Variants in SH3D21 observed in about 807,000 individuals in gnomAD.
SH3D21 encodes the protein SH3 domain-containing protein 21.
In SH3D21, 83 loss-of-function variants were observed where a neutral mutation model predicts 82.1. That is an observed-to-expected ratio of 1.01 (90% confidence interval 0.85 to 1.21). SH3D21 has a LOEUF of 1.21. Ranked by LOEUF, SH3D21 falls within the 50% of genes most tolerant of loss-of-function variation. SH3D21 has a pLI of 0.00. For synonymous variants in SH3D21, 383 were observed against 387.8 expected (o/e 0.99, Z 0.15); for missense variants, 980 against 962.1 (o/e 1.02, Z -0.25).
downstream of SH3D21, chr1:36,322,125 C>T (rs1646473326): frequency 4.4e-6 from 6 of 1,350,966 alleles, no homozygotes; most frequent in Non-Finnish European, 3.8e-6. Flanking sequence ...CCTCCCCGCC[C>T]CCGGGGTCTT....
Position 36,320,739 on chromosome 1 carries a change from G to A in SH3D21, c.2076G>A (p.Ser692=), listed in dbSNP as rs1266822100. The change falls in exon 14 of 16, where the codon TCG becomes TCA. Residue 692 remains serine (S), a synonymous_variant. Transcript: ENST00000453908. Reference sequence around the variant, plus strand: ...AGAATGAAGGAGTTGATGTAACGTCGCTGAGGGGCGAGGTGGAGTCTCTAA... The same window carrying A: ...AGAATGAAGGAGTTGATGTAACGTCACTGAGGGGCGAGGTGGAGTCTCTAA... ...ENKNEGVDVT[S]LRGEVESLRR... The A allele has an allele frequency of 1.1e-5, 18 of 1,608,436 alleles. No individual in the cohort carries two copies. The highest frequency in any genetic ancestry group is 1.5e-5 in the Non-Finnish European group (18 of 1,177,274).
intron 10 of SH3D21, 93 bp from the exon 11 acceptor site, chr1:36,318,978 A>C: frequency 1.5e-6 from 1 of 685,574 alleles, no homozygotes; most frequent in Admixed American, 2.4e-5. Flanking sequence ...ATAGTCAAAC[A>C]AGATTAACCT....
Position 36,307,181 on chromosome 1 carries a change from C to T in SH3D21, c.241C>T (p.His81Tyr). 6.4e-7 allele frequency: 1 copy of T among 1,551,742 alleles called. No homozygotes were observed. Among genetic ancestry groups the T allele is most frequent in the Non-Finnish European group, 8.7e-7 (1 of 1,146,988 alleles). ...TCCGGTGCTAGGTCATCCTGCCAAA[C>T]ACCCGAGGCCCCAAAGATGGTGCAA... ...CARRRGHPAK[H>Y]PRPQRWCKVN... Residue 81 changes from histidine to tyrosine, a missense_variant, in exon 4 of 16, where the codon CAC becomes TAC. Transcript: ENST00000453908. The surrounding 1 kb of genome is among the most constrained non-coding windows in gnomAD (Gnocchi z 5.4).
rs1340903220 is a variant in SH3D21 at position 36,320,441 on chromosome 1, C to T, written c.1778C>T (p.Pro593Leu). Residue 593 changes from proline (P) to leucine (L), a missense_variant, in exon 14 of 16, where the codon CCT becomes CTT. By Grantham distance (98) the Pro-to-Leu change is moderately conservative. Coordinates refer to ENST00000453908, the MANE Select transcript of SH3D21 (RefSeq NM_001162530.2). ...GCTACAACCCTTCCAGAGGAGGCAC[C>T]TTCCAATGACGAGAGGACCCCTGAA... is the stretch of plus-strand genomic sequence containing the variant. ...EEATTLPEEA[P>L]SNDERTPEEE... 1 of 1,612,908 alleles carries T rather than the reference C, an allele frequency of 6.2e-7. No individual in the cohort carries two copies. Among genetic ancestry groups the T allele is most frequent in the Non-Finnish European group, 8.5e-7 (1 of 1,179,626 alleles).
At chr1:36,323,047 G>C (rs763549976), downstream of SH3D21, 36 of 1,600,268 alleles carry the variant, frequency 2.2e-5, no homozygotes, top group East Asian at 1.8e-4. Context: ...TGCTGCTCTG[G>C]GGGGCAGCTC....
In SH3D21 at chr1:36,319,814, C is replaced by T. The variant is rs764629344; in HGVS notation, c.1151C>T (p.Pro384Leu). Residue 384 changes from proline to leucine, a missense_variant, in exon 14 of 16, where the codon CCC (proline) becomes CTC (leucine). Pro to Leu is a moderately conservative substitution (Grantham distance 98, BLOSUM62 -3). Coordinates refer to ENST00000453908, the MANE Select transcript of SH3D21 (RefSeq NM_001162530.2). ...AAGATCCCGGCTCCTGACAAAGTCC[C>T]CTCCCCAGAGAAGACCCTCACTCTA... ...SKKIPAPDKV[P>L]SPEKTLTLGD... 1.9e-6 allele frequency: 3 copies of T among 1,613,828 alleles called. No individual in the cohort carries two copies. The African/African-American group carries it at 4.0e-5, about 22-fold the overall frequency.
Position 36,320,425 on chromosome 1 carries a change from C to G in SH3D21, c.1762C>G (p.Leu588Val). 6.2e-7 allele frequency: 1 copy of G among 1,612,768 alleles called. No individual in the cohort carries two copies. Among genetic ancestry groups the G allele is most frequent in the Non-Finnish European group, 8.5e-7 (1 of 1,179,520 alleles). ...KPHPHEEATT[L>V]PEEAPSNDER... is the part of the protein sequence containing the mutation. ...CCACCCCCACGAAGAGGCTACAACC[C>G]TTCCAGAGGAGGCACCTTCCAATGA... The change falls in exon 14 of 16, where the codon CTT (leucine) becomes GTT (valine). Residue 588 changes from leucine (L) to valine (V), a missense_variant. Physicochemically the swap from Leu to Val is conservative, Grantham distance 32 (BLOSUM62 1). Coordinates refer to ENST00000453908, the MANE Select transcript of SH3D21 (RefSeq NM_001162530.2).
chr1:36,321,821 C>T, downstream of SH3D21: 1 of 1,012,026 alleles, frequency 9.9e-7, no homozygotes, highest in Non-Finnish European at 1.2e-6. This position sits in a 1 kb window ranked among gnomAD's most constrained non-coding sequence, Gnocchi z 6.1. Context: ...CGCGCTTGCT[C>T]TGTGTGTGAG....
At chr1:36,308,860 G>A (rs1646183377) in intron 9 of SH3D21, among the ~76,000 whole-genome samples, 1 of 151,796 alleles carries the variant, frequency 6.6e-6, no homozygotes, top group Admixed American at 6.6e-5. Flanking sequence ...GCATGCATGT[G>A]TAATCCCAGC....
chr1:36,320,161 G>A lies in SH3D21; in HGVS notation c.1498G>A (p.Asp500Asn). Residue 500 changes from aspartate (D) to asparagine (N), a missense_variant, in exon 14 of 16, where the codon GAC (aspartate) becomes AAC (asparagine). By Grantham distance (23) the Asp-to-Asn change is conservative. Transcript: ENST00000453908. ...TGAAGAAGAGGTGTCCACCAGAGAT[G>A]ACATTCAATTCCATCACTTCTCTTC... ...LSEEEVSTRD[D>N]IQFHHFSSEE... The A allele has an allele frequency of 6.2e-7, 1 of 1,613,780 alleles. No individual in the cohort carries two copies. The highest frequency in any genetic ancestry group is 2.2e-5 in the East Asian group (1 of 44,878).
In SH3D21 at chr1:36,309,577, A is replaced by T. The variant is rs903952373; in HGVS notation, c.756A>T (p.Val252=). The part of the protein sequence containing the change: ...PIKKLVPRKV[V]SRESAPIKEP... Reference sequence around the variant, plus strand: ...AGAAGCTGGTCCCACGGAAAGTGGTATCTCGGGAATCAGGTGAGTGCCCGG... The same window carrying T: ...AGAAGCTGGTCCCACGGAAAGTGGTTTCTCGGGAATCAGGTGAGTGCCCGG... The change falls in exon 10 of 16, where the codon GTA becomes GTT. Residue 252 remains valine (V), a synonymous_variant. Transcript: ENST00000453908. The T allele has an allele frequency of 6.4e-6, 10 of 1,551,536 alleles. No individual in the cohort carries two copies. The highest frequency in any genetic ancestry group is 8.7e-6 in the Non-Finnish European group (10 of 1,146,966).
At chr1:36,324,598 G>A (rs1646522092), downstream of SH3D21, 1 of 152,204 alleles carries the variant, frequency 6.6e-6, no homozygotes, top group South Asian at 2.1e-4. Flanking sequence ...CCTGAGGCCT[G>A]TGGGCCAGCG....
In SH3D21 at chr1:36,307,349, G is replaced by T; in HGVS notation, c.345+64G>T. ...ATGGAACGCGCCTCCCTAGTGAGCG[G>T]GGTGGGAAGTGAGGGTGTGGACGGT... On this transcript the variant is annotated intron_variant, in intron 4 of 15. Transcript: ENST00000453908. This position sits in a 1 kb window ranked among gnomAD's most constrained non-coding sequence, Gnocchi z 5.4. 1 of 1,542,850 alleles carries T rather than the reference G, an allele frequency of 6.5e-7. No homozygotes were observed. Among genetic ancestry groups the T allele is most frequent in the South Asian group, 1.2e-5 (1 of 83,472 alleles).
rs1318578385 is a variant in SH3D21 at position 36,320,357 on chromosome 1, A to G, written c.1694A>G (p.Glu565Gly). 1 of 1,613,482 alleles carries G rather than the reference A, an allele frequency of 6.2e-7. No homozygotes were observed. Among genetic ancestry groups the G allele is most frequent in the Non-Finnish European group, 8.5e-7 (1 of 1,179,998 alleles). The change falls in exon 14 of 16, where the codon GAG (glutamate) becomes GGG (glycine). Residue 565 changes from glutamate (E) to glycine (G), a missense_variant. Transcript: ENST00000453908. ...GGGGACAGCTCCCCACGCCAGGCTG[A>G]GTTGAAGTCTGGGCCAGCATCCAGG... is the stretch of plus-strand genomic sequence containing the variant. Reference protein sequence around the residue: ...VRGDSSPRQAELKSGPASRPA... With the variant: ...VRGDSSPRQAGLKSGPASRPA...
chr1:36,319,777 C>CCCAGCTCCAAGAAGAT lies in SH3D21; in HGVS notation c.1117_1132dup (p.Pro378GlnfsTer9). On this transcript the variant is annotated frameshift_variant, in exon 14 of 16. Coordinates refer to ENST00000453908, the MANE Select transcript of SH3D21 (RefSeq NM_001162530.2). LOFTEE classifies it high-confidence loss of function. ...GAGGCCCCCAGCTCCAGAGAACGCC[C>CCCAGCTCCAAGAAGAT]CCAGCTCCAAGAAGATCCCGGCTCC... 1 of 1,613,480 alleles carries CCCAGCTCCAAGAAGAT rather than the reference C, an allele frequency of 6.2e-7. No homozygotes were observed. The highest frequency in any genetic ancestry group is 8.5e-7 in the Non-Finnish European group (1 of 1,179,774).
chr1:36,315,642 C>T (rs892563277), intron 10 of SH3D21, among the ~76,000 whole-genome samples: 1 of 152,156 alleles, frequency 6.6e-6, no homozygotes, highest in Admixed American at 6.5e-5. Context: ...AACCACTGCA[C>T]CCGGCCTGTT....
At chr1:36,323,707 G>A (rs1159818685), downstream of SH3D21, 1 of 152,102 alleles carries the variant, frequency 6.6e-6, no homozygotes, top group Admixed American at 6.5e-5. Context: ...GGAGAGGAAG[G>A]GGAGAGGAGC....
At chr1:36,321,478 G>C (rs968537644), downstream of SH3D21, 2 of 932,528 alleles carry the variant, frequency 2.1e-6, no homozygotes, top group South Asian at 4.6e-5. The surrounding 1 kb of genome is among the most constrained non-coding windows in gnomAD (Gnocchi z 6.1). Context: ...GGCTCTTGAC[G>C]CCCGGCCTAG....
Position 36,309,551 on chromosome 1 carries a change from A to G in SH3D21, c.730A>G (p.Lys244Glu), listed in dbSNP as rs1226191377. Residue 244 changes from lysine (K) to glutamate (E), a missense_variant, in exon 10 of 16, where the codon AAG (lysine) becomes GAG (glutamate). Lys to Glu is a moderately conservative substitution (Grantham distance 56). Transcript: ENST00000453908. ...CCTTTACTTCTTTTCGGCATAGATC[A>G]AGAAGCTGGTCCCACGGAAAGTGGT... ...DNFVLPPPPI[K>E]KLVPRKVVSR... 1 of 1,551,664 alleles carries G rather than the reference A, an allele frequency of 6.4e-7. No homozygotes were observed. Among genetic ancestry groups the G allele is most frequent in the South Asian group, 1.2e-5 (1 of 84,064 alleles).
Sources: gnomAD v4.1 joint callset for allele counts (sites outside exome capture counted in the v4.1 genomes callset) on GRCh38, gnomAD v4.1.1 for gene constraint, Gnocchi (gnomAD v3.1) non-coding constraint, MANE v1.5 for transcripts, NCBI Gene and HGNC (gene_info 2026-07-23, HGNC 2026-07-21) for gene names.